MAN2B1: variants seen among roughly 807,000 people sequenced by gnomAD.
The protein encoded by MAN2B1 is lysosomal alpha-mannosidase.
MAN2B1 carries 99 observed loss-of-function variants against 127.5 expected under a neutral mutation model. That is an observed-to-expected ratio of 0.78 (90% confidence interval 0.66 to 0.92). The LOEUF (loss-of-function observed/expected upper bound fraction) is 0.92, where lower values mean the gene tolerates loss of function less well. Among genes scored for constraint, MAN2B1 ranks in the 40% least tolerant of loss-of-function variants. The pLI is 0.00. For synonymous variants in MAN2B1, 573 were observed against 568.8 expected (o/e 1.01, Z -0.11); for missense variants, 1,304 against 1,384.8 (o/e 0.94, Z 0.93).
intron 14 of MAN2B1, among the ~76,000 whole-genome samples, chr19:12,653,509 A>G (rs1352629475): frequency 3.3e-5 from 5 of 152,002 alleles, no homozygotes; most frequent in African/African-American, 1.2e-4. Context: ...CTGTAATCCC[A>G]GAACTTTGGG....
chr19:12,658,552 C>G, intron 7 of MAN2B1, 42 bp from the exon 8 acceptor site: 1 of 1,573,914 alleles, frequency 6.4e-7, no homozygotes, highest in Non-Finnish European at 8.7e-7. Flanking sequence ...GGAGTCCGCA[C>G]CTTCCTGGGG....
chr19:12,653,954 G>A (rs1011643796), intron 14 of MAN2B1, among the ~76,000 whole-genome samples: 1 of 151,936 alleles, frequency 6.6e-6, no homozygotes, highest in Non-Finnish European at 1.5e-5. Flanking sequence ...CCTGACCTCA[G>A]GTGACCTGCC....
rs767229069 is a variant in MAN2B1, at chr19:12,665,447, C to G, written c.341G>C (p.Arg114Pro). 1 of 1,614,040 alleles carries G rather than the reference C, an allele frequency of 6.2e-7. No individual in the cohort carries two copies. Among genetic ancestry groups the G allele is most frequent in the African/African-American group, 1.3e-5 (1 of 75,024 alleles). The change falls in exon 3 of 24, where the codon CGT becomes CCT. Residue 114 changes from arginine (R) to proline (P), a missense_variant. Physicochemically the swap from Arg to Pro is moderately radical, Grantham distance 103 (BLOSUM62 -2). Transcript: ENST00000456935. ...GGCAATCTCCACGTAAATGAAGCGA[C>G]GGGTGGGATCTGCCAGCAAGGCAGA... ...VISALLADPT[R>P]RFIYVEIAFF...
intron 20 of MAN2B1, 57 bp downstream of exon 20, chr19:12,649,079 C>G: frequency 1.4e-6 from 2 of 1,460,040 alleles, no homozygotes; most frequent in Non-Finnish European, 1.9e-6. Flanking sequence ...CCTTCAAGGT[C>G]CAGCAGGGGT....
At position 12,665,700 on chromosome 19, in the gene MAN2B1, C is replaced by G; in HGVS notation, c.262+3G>C. The G allele has an allele frequency of 6.2e-7, 1 of 1,613,654 alleles. No individual in the cohort carries two copies. The highest frequency in any genetic ancestry group is 8.5e-7 in the Non-Finnish European group (1 of 1,179,538). ...CAGGGACCAGTCCCCATCCTCTACT[C>G]ACTTCCATAAAAGTACTGGTCCACG... is the stretch of plus-strand genomic sequence containing the variant. On this transcript the variant is annotated splice_donor_region_variant and intron_variant, in intron 2 of 23. Coordinates refer to ENST00000456935, the MANE Select transcript of MAN2B1 (RefSeq NM_000528.4).
chr19:12,654,247 T>C (rs1227748196), intron 14 of MAN2B1, among the ~76,000 whole-genome samples: 1 of 152,070 alleles, frequency 6.6e-6, no homozygotes, highest in Non-Finnish European at 1.5e-5. Flanking sequence ...TTTCACCGTG[T>C]TAGCCAGGAT....
At chr19:12,653,388 A>ACCC (rs34489442) in intron 14 of MAN2B1, among the ~76,000 whole-genome samples, 50 of 135,160 alleles carry the variant, frequency 3.7e-4, no homozygotes, top group African/African-American at 6.3e-4. Flanking sequence ...CTCATGATCC[A>ACCC]CCCCCCCCTC....
chr19:12,657,655 C>G, intron 10 of MAN2B1, 100 bp from the exon 11 acceptor site: 1 of 1,079,192 alleles, frequency 9.3e-7, no homozygotes, highest in Non-Finnish European at 1.4e-6. Context: ...TTCTTAGAGG[C>G]TTTAAGAAGG....
chr19:12,649,328 G>T lies in MAN2B1; in HGVS notation c.2355+13C>A, dbSNP rs568609418. 1.4e-5 allele frequency: 23 copies of T among 1,610,576 alleles called. No individual in the cohort carries two copies. The highest frequency in any genetic ancestry group is 2.0e-5 in the Non-Finnish European group (23 of 1,177,062). ...CTATCGAGGTGGGGAGGTGCAGGAT[G>T]GGGGAGAGCTACCGTGATGTAAATC... On this transcript the variant is annotated intron_variant, in intron 19 of 23. Coordinates refer to ENST00000456935, the MANE Select transcript of MAN2B1 (RefSeq NM_000528.4).
At chr19:12,652,830 C>T (rs1408305355) in intron 14 of MAN2B1, among the ~76,000 whole-genome samples, 3 of 113,518 alleles carry the variant, frequency 2.6e-5, no homozygotes, top group Non-Finnish European at 3.9e-5. Context: ...CTGTGCCCAG[C>T]CGGATTTTTA....
In MAN2B1 at chr19:12,647,913, C is replaced by CG; in HGVS notation, c.2664+261dup. On this transcript the variant is annotated intron_variant, in intron 21 of 23. Coordinates refer to ENST00000456935, the MANE Select transcript of MAN2B1 (RefSeq NM_000528.4). This position sits in a 1 kb window ranked among gnomAD's most constrained non-coding sequence, Gnocchi z 4.9. ...ACAGAGCCTGGGGGCGGTGAGAGGG[C>CG]GGGGCTAAAGTGAAATGGGCGGGGC... 8.4e-6 allele frequency among the ~76,000 whole-genome samples: 1 copy of CG among 119,472 alleles called. No individual in the cohort carries two copies. Among genetic ancestry groups the CG allele is most frequent in the Non-Finnish European group, 1.9e-5 (1 of 54,030 alleles). 78.4% of individuals were successfully genotyped at this position (119,472 alleles called of 152,430 possible). A position where few individuals can be genotyped will look rare whatever the true frequency, so the allele number is the denominator to read the frequency against.
intron 14 of MAN2B1, among the ~76,000 whole-genome samples, chr19:12,655,180 G>A (rs906737620): frequency 1.3e-5 from 2 of 152,116 alleles, no homozygotes; most frequent in Non-Finnish European, 2.9e-5. Context: ...AACAATGACT[G>A]GCAAAAGCCA....
In MAN2B1 at chr19:12,647,450, T is replaced by C. The variant is rs1236660896; in HGVS notation, c.2813A>G (p.Asn938Ser). The C allele has an allele frequency of 6.2e-7, 1 of 1,614,164 alleles. No individual in the cohort carries two copies. The change falls in exon 22 of 24, where the codon AAC becomes AGC. Residue 938 changes from asparagine to serine, a missense_variant. Coordinates refer to ENST00000456935, the MANE Select transcript of MAN2B1 (RefSeq NM_000528.4). This position sits in a 1 kb window ranked among gnomAD's most constrained non-coding sequence, Gnocchi z 4.9. ...CAATTTTGCCCTTCTCACCCTCAAG[T>C]TCAAGGTAACGGGGGCGCTCAGGTT... The part of the protein sequence containing the change: ...GRNLSAPVTL[N>S]LRDLFSTFTI...
intron 20 of MAN2B1, 126 bp downstream of exon 20, chr19:12,649,010 A>G: frequency 1.3e-6 from 1 of 785,116 alleles, no homozygotes; most frequent in South Asian, 1.5e-5. Context: ...AGAAGAAAAG[A>G]AAGAAACGGA....
chr19:12,651,494 G>A (rs980238387), intron 16 of MAN2B1, among the ~76,000 whole-genome samples: 5 of 152,146 alleles, frequency 3.3e-5, no homozygotes, highest in Admixed American at 1.3e-4. Flanking sequence ...CAGACTTTTT[G>A]TTAGAAGAAA....
At chr19:12,650,048 T>C (rs776107165) in intron 17 of MAN2B1, 34 bp from the exon 18 acceptor site, 6 of 1,611,582 alleles carry the variant, frequency 3.7e-6, no homozygotes, top group Non-Finnish European at 3.4e-6. Flanking sequence ...TTGTGAGCCT[T>C]GGATAAACCC....
rs1057516864 is a variant in MAN2B1 at position 12,647,460 on chromosome 19, C to CG, written c.2802dup (p.Val935ArgfsTer?). 4 of 1,614,210 alleles carry CG rather than the reference C, an allele frequency of 2.5e-6. No homozygotes were observed. The highest frequency in any genetic ancestry group is 1.1e-5 in the South Asian group (1 of 91,092). ...CTTCTCACCCTCAAGTTCAAGGTAA[C>CG]GGGGGCGCTCAGGTTACGTCCGGAA... On this transcript the variant is annotated frameshift_variant, in exon 22 of 24. Transcript: ENST00000456935. LOFTEE classifies it high-confidence loss of function. The surrounding 1 kb of genome is among the most constrained non-coding windows in gnomAD (Gnocchi z 4.9).
Position 12,658,161 on chromosome 19 carries a change from T to G in MAN2B1, c.1231-20A>C. On this transcript the variant is annotated intron_variant, in intron 9 of 23. Transcript: ENST00000456935. Reference sequence around the variant, plus strand: ...GCACACCTGGAGGCAGAGGGGTATGTTGGGGCGCCCAGCCTGTCGGGCCTC... The same window carrying G: ...GCACACCTGGAGGCAGAGGGGTATGGTGGGGCGCCCAGCCTGTCGGGCCTC... 6.2e-7 allele frequency: 1 copy of G among 1,613,500 alleles called. No homozygotes were observed. Among genetic ancestry groups the G allele is most frequent in the Non-Finnish European group, 8.5e-7 (1 of 1,179,910 alleles).
rs2024167671 is a variant in MAN2B1, at chr19:12,663,888, A to G, written c.631-53T>C. ...TGAATTAGTGCCCAGCCCTCTCACC[A>G]CCAAACTCCCCTCTGCTTGGGAGGG... On this transcript the variant is annotated intron_variant, in intron 4 of 23. Transcript: ENST00000456935. 2.0e-5 allele frequency: 32 copies of G among 1,612,226 alleles called. No homozygotes were observed. The South Asian group carries it at 3.3e-4, about 17-fold the overall frequency.
Sources: gnomAD v4.1 joint callset for allele counts (sites outside exome capture counted in the v4.1 genomes callset) on GRCh38, gnomAD v4.1.1 for gene constraint, Gnocchi (gnomAD v3.1) non-coding constraint, MANE v1.5 for transcripts, NCBI Gene and HGNC (gene_info 2026-07-23, HGNC 2026-07-21) for gene names.